The following HNF4G variants were observed in gnomAD, a reference collection of about 807,000 sequenced individuals.
HNF4G encodes the protein hepatocyte nuclear factor 4-gamma.
Under a neutral mutation model 50.9 loss-of-function variants are expected in HNF4G, and 21 were observed. The ratio of observed to expected loss-of-function variants is 0.41; its 90% CI spans 0.29 to 0.59. HNF4G has a LOEUF of 0.59. Ranked by LOEUF, HNF4G falls within the 20% of genes least tolerant of loss-of-function variation. The probability of loss-of-function intolerance (pLI) is 0.26; values close to 1 mark genes in which losing one functional copy is unlikely to be tolerated. For missense variants in HNF4G, 527 were observed against 559.4 expected, an observed-to-expected ratio of 0.94 and a Z score of 0.58; for synonymous variants, 198 against 185.6, an observed-to-expected ratio of 1.07 and a Z score of -0.54.
chr8:75,461,032 GA>G (rs1388396776), intron 1 of HNF4G, among the ~76,000 whole-genome samples: 1 of 152,186 alleles, frequency 6.6e-6, no homozygotes, highest in Non-Finnish European at 1.5e-5. Context: ...TGCAGATAAA[GA>G]AAGAGGTTTA....
intron 1 of HNF4G, among the ~76,000 whole-genome samples, chr8:75,464,466 A>C (rs1004706847): frequency 6.6e-6 from 1 of 151,874 alleles, no homozygotes; most frequent in African/African-American, 2.4e-5. Flanking sequence ...TCAAAGTTTT[A>C]TATTGTCTCA....
chr8:75,557,884 A>G (rs1055290972), intron 6 of HNF4G, among the ~76,000 whole-genome samples: 1 of 152,170 alleles, frequency 6.6e-6, no homozygotes, highest in Non-Finnish European at 1.5e-5. Context: ...AGTTAGAAAG[A>G]TCTTTAGGGA....
intron 2 of HNF4G, among the ~76,000 whole-genome samples, chr8:75,545,700 A>G (rs1215614853): frequency 6.6e-6 from 1 of 152,058 alleles, no homozygotes; most frequent in Non-Finnish European, 1.5e-5. Flanking sequence ...TGCTGTTTCA[A>G]TACTTTTCAT....
At chr8:75,512,407 A>T (rs1444257419) in intron 2 of HNF4G, among the ~76,000 whole-genome samples, 1 of 150,242 alleles carries the variant, frequency 6.7e-6, no homozygotes, top group Non-Finnish European at 1.5e-5. Flanking sequence ...TGACTCTCTT[A>T]CTTCATTTTA....
At chr8:75,423,435 A>T (rs2130495924) in intron 1 of HNF4G, among the ~76,000 whole-genome samples, 1 of 140,984 alleles carries the variant, frequency 7.1e-6, no homozygotes, top group East Asian at 2.1e-4. Context: ...CTGCAACCTC[A>T]ACTTCCCGGG....
intron 2 of HNF4G, among the ~76,000 whole-genome samples, chr8:75,533,658 C>T (rs1249177256): frequency 6.6e-6 from 1 of 151,888 alleles, no homozygotes; most frequent in Non-Finnish European, 1.5e-5. Flanking sequence ...CCAACCAACA[C>T]TATTTTCTAA....
chr8:75,559,647 A>C (rs1171982810), intron 8 of HNF4G, among the ~76,000 whole-genome samples: 1 of 152,132 alleles, frequency 6.6e-6, no homozygotes, highest in Non-Finnish European at 1.5e-5. Flanking sequence ...GATCCTTCCA[A>C]ACATGGCAAA....
chr8:75,514,382 T>A (rs1301574669), intron 2 of HNF4G, among the ~76,000 whole-genome samples: 1 of 148,166 alleles, frequency 6.7e-6, no homozygotes, highest in African/African-American at 2.5e-5. Context: ...TTTTTTTTTT[T>A]GTTGTTGTTG....
intron 2 of HNF4G, among the ~76,000 whole-genome samples, chr8:75,492,727 C>T (rs550554300): frequency 5.3e-5 from 8 of 152,210 alleles, no homozygotes; most frequent in Admixed American, 2.0e-4. Context: ...TATTTTCTAT[C>T]CATCCCAGCT....
intron 5 of HNF4G, 69 bp from the exon 6 acceptor site, chr8:75,555,913 C>A: frequency 6.9e-6 from 6 of 865,352 alleles, no homozygotes; most frequent in East Asian, 2.7e-5. Flanking sequence ...TCTAAGTTAA[C>A]AAGACTCATG....
intron 1 of HNF4G, among the ~76,000 whole-genome samples, chr8:75,543,142 G>T (rs986525499): frequency 1.3e-5 from 2 of 152,126 alleles, no homozygotes; most frequent in African/African-American, 4.8e-5. Flanking sequence ...GGGAGGCAGA[G>T]GTTGCAGTGA....
intron 2 of HNF4G, among the ~76,000 whole-genome samples, chr8:75,514,605 C>A (rs1805845811): frequency 6.6e-6 from 1 of 151,954 alleles, no homozygotes; most frequent in Admixed American, 6.6e-5. Flanking sequence ...TCTGCTTTGG[C>A]CTCTCAAAGT....
At chr8:75,562,020 T>C (rs1807324222) in intron 9 of HNF4G, among the ~76,000 whole-genome samples, 1 of 152,208 alleles carries the variant, frequency 6.6e-6, no homozygotes, top group South Asian at 2.1e-4. Context: ...CTATTGCCTC[T>C]GAACACCAAA....
chr8:75,473,991 T>A (rs1234422857), intron 1 of HNF4G, among the ~76,000 whole-genome samples: 1 of 150,778 alleles, frequency 6.6e-6, no homozygotes, highest in Non-Finnish European at 1.5e-5. Flanking sequence ...GAACAAAAAG[T>A]AGGAGTTAGG....
intron 1 of HNF4G, among the ~76,000 whole-genome samples, chr8:75,472,473 A>C (rs1247539290): frequency 6.6e-6 from 1 of 152,150 alleles, no homozygotes; most frequent in African/African-American, 2.4e-5. Flanking sequence ...ATTTGAGGGA[A>C]GTTGAGATAC....
intron 2 of HNF4G, among the ~76,000 whole-genome samples, chr8:75,507,862 A>G (rs1478358713): frequency 6.6e-6 from 1 of 152,194 alleles, no homozygotes; most frequent in African/African-American, 2.4e-5. Flanking sequence ...GACTTAAAAC[A>G]TAAAAGAAAT....
At chr8:75,501,371 T>A (rs528109763) in intron 2 of HNF4G, among the ~76,000 whole-genome samples, 1 of 151,988 alleles carries the variant, frequency 6.6e-6, no homozygotes, top group South Asian at 2.1e-4. Context: ...AGCCCAGGAG[T>A]CTAAGGCTGC....
chr8:75,512,078 T>C (rs1805770283), intron 2 of HNF4G, among the ~76,000 whole-genome samples: 1 of 152,182 alleles, frequency 6.6e-6, no homozygotes, highest in Admixed American at 6.5e-5. Context: ...ATTTTGTTAA[T>C]ATTATATTGT....
At chr8:75,486,345 G>A (rs1371034586) in intron 1 of HNF4G, among the ~76,000 whole-genome samples, 1 of 152,110 alleles carries the variant, frequency 6.6e-6, no homozygotes, top group Admixed American at 6.5e-5. Context: ...CATGCTTTCT[G>A]GTTGAACCTT....
Sources: gnomAD v4.1 joint callset for allele counts (sites outside exome capture counted in the v4.1 genomes callset) on GRCh38, gnomAD v4.1.1 for gene constraint, MANE v1.5 for transcripts, NCBI Gene and HGNC (gene_info 2026-07-23, HGNC 2026-07-21) for gene names.